Variants in CNNM2 observed in about 807,000 individuals in gnomAD.
CNNM2 encodes metal transporter CNNM2.
A neutral mutation model predicts 66.9 loss-of-function variants in CNNM2; 12 were observed. The observed-to-expected ratio is 0.18, with a 90% CI of 0.11 to 0.29. CNNM2 has a LOEUF of 0.29. Ranked by LOEUF, CNNM2 falls within the 10% of genes least tolerant of loss-of-function variation. The pLI is 1.00. For missense variants in CNNM2, 705 were observed against 1,167.7 expected (o/e 0.60, Z 5.77); for synonymous variants, 557 against 501.8 (o/e 1.11, Z -1.47).
In CNNM2 at chr10:102,973,816, TC is replaced by T. The variant is rs5787478; in HGVS notation, c.1621+53726del. Among the ~76,000 whole-genome samples, 119,000 of 143,540 alleles carry T rather than the reference TC, an allele frequency of 0.83. 49,697 individuals are homozygous for T. The highest frequency in any genetic ancestry group is 0.93 in the African/African-American group (36,422 of 38,958). The allele number at this position is 143,540 out of a possible 152,430, so 94.2% of individuals were successfully genotyped here. ...AAGCTAACAGCATCTTTTCATGTAT[TC>T]CCCCCCCCCCTTTTTTAAAACAACA... On this transcript the variant is annotated intron_variant, in intron 1 of 7. Coordinates refer to ENST00000369878, the MANE Select transcript of CNNM2 (RefSeq NM_017649.5).
chr10:103,029,066 C>T (rs1407908497), intron 1 of CNNM2, among the ~76,000 whole-genome samples: 1 of 151,742 alleles, frequency 6.6e-6, no homozygotes, highest in Non-Finnish European at 1.5e-5. Context: ...AAATGATCCA[C>T]CCGCCTCGGC....
At chr10:102,967,609 C>T (rs1478480452) in intron 1 of CNNM2, among the ~76,000 whole-genome samples, 5 of 152,172 alleles carry the variant, frequency 3.3e-5, no homozygotes, top group African/African-American at 1.2e-4. Context: ...GTTGTTTGTT[C>T]CTTTATGCCG....
chr10:102,998,286 A>C (rs562411075), intron 1 of CNNM2, among the ~76,000 whole-genome samples: 360 of 152,324 alleles, frequency 2.4e-3, no homozygotes, highest in African/African-American at 7.6e-3. Context: ...TCTGGGCTTT[A>C]TTTAGTAGGT....
chr10:102,980,645 A>AGTG (rs1339608004), intron 1 of CNNM2, among the ~76,000 whole-genome samples: 1 of 151,996 alleles, frequency 6.6e-6, no homozygotes, highest in Non-Finnish European at 1.5e-5. Context: ...CTCTCCCCAC[A>AGTG]CCACACATTC....
intron 1 of CNNM2, among the ~76,000 whole-genome samples, chr10:102,956,280 T>G (rs1847032235): frequency 8.0e-6 from 1 of 125,472 alleles, no homozygotes; most frequent in Non-Finnish European, 1.7e-5. Context: ...AAGAGCAAGA[T>G]TCCATCTCAA....
intron 1 of CNNM2, among the ~76,000 whole-genome samples, chr10:103,023,548 C>T (rs887690984): frequency 1.3e-5 from 2 of 152,014 alleles, no homozygotes; most frequent in Non-Finnish European, 2.9e-5. Flanking sequence ...AACTCTGTTC[C>T]CCCCTCCCCA....
intron 4 of CNNM2, among the ~76,000 whole-genome samples, chr10:103,061,021 G>A (rs748523610): frequency 3.9e-5 from 6 of 152,050 alleles, no homozygotes; most frequent in Non-Finnish European, 5.9e-5. Context: ...TATTCCTTAC[G>A]TACTTAAAAA....
Position 103,077,233 on chromosome 10 carries a change from G to A in CNNM2, c.*53G>A, listed in dbSNP as rs886046672. On this transcript the variant is annotated 3_prime_UTR_variant, in exon 8 of 8. Coordinates refer to ENST00000369878, the MANE Select transcript of CNNM2 (RefSeq NM_017649.5). ...CGCACCCGCCCAGTCCCGAGGGCCCGGCCCTGTCTGCCCATGACTTCACTG... is the reference window on the plus strand; with the variant it reads ...CGCACCCGCCCAGTCCCGAGGGCCCAGCCCTGTCTGCCCATGACTTCACTG... The A allele has an allele frequency of 1.3e-4, 195 of 1,523,056 alleles. No individual in the cohort carries two copies. Among genetic ancestry groups the A allele is most frequent in the Non-Finnish European group, 1.5e-4 (170 of 1,109,864 alleles). The allele number at this position is 1,523,056 out of a possible 1,614,324, so 94.3% of individuals were successfully genotyped here.
chr10:102,919,788 A>G lies in CNNM2; in HGVS notation c.1308A>G (p.Gln436=). The change falls in exon 1 of 8, where the codon CAA becomes CAG. Residue 436 remains glutamine (Q), a synonymous_variant. Coordinates refer to ENST00000369878, the MANE Select transcript of CNNM2 (RefSeq NM_017649.5). ...DLVKEELNII[Q]GALELRTKTV... ...TTAAGGAGGAGCTGAACATCATCCAAGGGGCGCTGGAGCTCCGCACCAAGA... is the reference window on the plus strand; with the variant it reads ...TTAAGGAGGAGCTGAACATCATCCAGGGGGCGCTGGAGCTCCGCACCAAGA... 2 of 1,614,206 alleles carry G rather than the reference A, an allele frequency of 1.2e-6. No homozygotes were observed. Among genetic ancestry groups the G allele is most frequent in the South Asian group, 1.1e-5 (1 of 91,080 alleles).
chr10:103,077,099 G>A lies in CNNM2; in HGVS notation c.2547G>A (p.Glu849=). The A allele has an allele frequency of 6.2e-7, 1 of 1,613,998 alleles. No individual in the cohort carries two copies. The change falls in exon 8 of 8, where the codon GAG becomes GAA. Residue 849 remains glutamate, a synonymous_variant. Coordinates refer to ENST00000369878, the MANE Select transcript of CNNM2 (RefSeq NM_017649.5). ...AGCTGCATGACGGGTTGCCAGACGA[G>A]ACAGCCAACCTGCTCAACGAACAGA... The part of the protein sequence containing the change: ...LTELHDGLPD[E]TANLLNEQNC...
rs1402943528 is a variant in CNNM2 at position 102,933,099 on chromosome 10, G to A, written c.1621+12998G>A. Among the ~76,000 whole-genome samples the A allele has an allele frequency of 2.0e-5, 3 of 152,134 alleles. No homozygotes were observed. In the South Asian group the frequency reaches 6.2e-4, roughly 31 times the overall value. On this transcript the variant is annotated intron_variant, in intron 1 of 7. Coordinates refer to ENST00000369878, the MANE Select transcript of CNNM2 (RefSeq NM_017649.5). ...AACTTCATTCTTCCTTGTCAAGATT[G>A]TTTTGGCTGTCAGGATTCCTTGCAT... is the stretch of plus-strand genomic sequence containing the variant.
At chr10:102,964,716 T>C (rs1441818343) in intron 1 of CNNM2, among the ~76,000 whole-genome samples, 1 of 152,156 alleles carries the variant, frequency 6.6e-6, no homozygotes, top group Non-Finnish European at 1.5e-5. Context: ...ACTTTGTCTT[T>C]CTATTCCTTG....
intron 1 of CNNM2, among the ~76,000 whole-genome samples, chr10:102,932,916 CAAAA>C (rs71019636): frequency 2.8e-5 from 2 of 70,660 alleles, no homozygotes; most frequent in African/African-American, 5.8e-5. Flanking sequence ...GACTCTGTCT[CAAAA>C]AAAAAAAAAA....
intron 1 of CNNM2, among the ~76,000 whole-genome samples, chr10:103,023,094 G>C (rs2064623490): frequency 6.6e-6 from 1 of 152,072 alleles, no homozygotes; most frequent in African/African-American, 2.4e-5. Context: ...TAGTAGGGAG[G>C]GCGCTTCGCT....
intron 1 of CNNM2, among the ~76,000 whole-genome samples, chr10:102,944,590 G>GTGTGTGTT: frequency 6.6e-6 from 1 of 151,050 alleles, no homozygotes; most frequent in South Asian, 2.1e-4. Flanking sequence ...TCGTGTGTGT[G>GTGTGTGTT]TGTGTGTGTG....
chr10:102,931,322 A>G (rs1252136710), intron 1 of CNNM2, among the ~76,000 whole-genome samples: 1 of 148,720 alleles, frequency 6.7e-6, no homozygotes, highest in African/African-American at 2.5e-5. Context: ...TTAATCTTTT[A>G]GTGTTAAGAG....
intron 1 of CNNM2, among the ~76,000 whole-genome samples, chr10:102,929,466 G>C (rs1276839896): frequency 6.7e-6 from 1 of 149,988 alleles, no homozygotes; most frequent in Non-Finnish European, 1.5e-5. Flanking sequence ...AAAAAAAAGT[G>C]ACTAGTTATT....
At chr10:103,020,923 T>C (rs2064563618) in intron 1 of CNNM2, among the ~76,000 whole-genome samples, 1 of 151,976 alleles carries the variant, frequency 6.6e-6, no homozygotes, top group Admixed American at 6.6e-5. Context: ...AGATAATGGA[T>C]AGGTTGTAGT....
chr10:103,057,054 T>A, intron 4 of CNNM2, 90 bp downstream of exon 4: 1 of 1,299,630 alleles, frequency 7.7e-7, no homozygotes, highest in Non-Finnish European at 1.1e-6. Flanking sequence ...GTGTACATAC[T>A]GAACCTTTCT....
Sources: gnomAD v4.1 joint callset for allele counts (sites outside exome capture counted in the v4.1 genomes callset) on GRCh38, gnomAD v4.1.1 for gene constraint, MANE v1.5 for transcripts, NCBI Gene and HGNC (gene_info 2026-07-23, HGNC 2026-07-21) for gene names.